NCKAP5: variants seen among roughly 807,000 people sequenced by gnomAD.
NCKAP5 encodes the protein NCK associated protein 5.
Under a neutral mutation model 167.0 loss-of-function variants are expected in NCKAP5, and 92 were observed. The observed-to-expected ratio is 0.55, with a 90% confidence interval of 0.47 to 0.66. The LOEUF (loss-of-function observed/expected upper bound fraction) is 0.66. Ranked by LOEUF, NCKAP5 falls within the 30% of genes least tolerant of loss-of-function variation. The pLI, the probability that NCKAP5 is intolerant of heterozygous loss-of-function variation, is 0.00. For missense variants in NCKAP5, 2,378 were observed against 2,315.0 expected (o/e 1.03, Z -0.56); for synonymous variants, 891 against 877.4 (o/e 1.02, Z -0.27).
intron 4 of NCKAP5, among the ~76,000 whole-genome samples, chr2:133,225,365 T>C (rs894650666): frequency 6.6e-6 from 1 of 152,220 alleles, no homozygotes; most frequent in Non-Finnish European, 1.5e-5. Flanking sequence ...CAATTATCTA[T>C]GCCTCTGAAA....
intron 3 of NCKAP5, among the ~76,000 whole-genome samples, chr2:133,399,586 A>G (rs1363563764): frequency 6.6e-6 from 1 of 152,176 alleles, no homozygotes; most frequent in Non-Finnish European, 1.5e-5. Flanking sequence ...TAATGTTTAG[A>G]CTGAAGAGAA....
chr2:133,668,731 T>C, the NCKAP5 span, among the ~76,000 whole-genome samples: 4 of 152,204 alleles, frequency 2.6e-5, no homozygotes, highest in Non-Finnish European at 5.9e-5. Flanking sequence ...TTATTGAGCT[T>C]CTTGGATATG....
At chr2:132,682,654 A>C (rs2709549) in intron 19 of NCKAP5, among the ~76,000 whole-genome samples, 69,608 of 151,600 alleles carry the variant, frequency 0.46, 18,270 homozygotes, top group East Asian at 0.67. Flanking sequence ...GAACACAAAT[A>C]TCCTGTCAAA....
chr2:133,289,981 A>G (rs1454068261), intron 4 of NCKAP5, among the ~76,000 whole-genome samples: 2 of 152,134 alleles, frequency 1.3e-5, no homozygotes, highest in Non-Finnish European at 2.9e-5. Flanking sequence ...GCAAGGGGGA[A>G]ATTCACCTTC....
chr2:133,288,169 C>A (rs1004440604), intron 4 of NCKAP5, among the ~76,000 whole-genome samples: 5 of 152,150 alleles, frequency 3.3e-5, no homozygotes, highest in Non-Finnish European at 7.4e-5. Context: ...AATTTCAGTT[C>A]ATCCAGCAGA....
At chr2:132,767,774 C>G (rs1402048083) in intron 16 of NCKAP5, among the ~76,000 whole-genome samples, 2 of 152,208 alleles carry the variant, frequency 1.3e-5, no homozygotes, top group East Asian at 3.9e-4. Flanking sequence ...TACTGAGCAC[C>G]TATTGTCCCT....
chr2:132,954,857 A>G, intron 8 of NCKAP5: 1 of 341,448 alleles, frequency 2.9e-6, no homozygotes, highest in Non-Finnish European at 5.7e-6. Flanking sequence ...GTACAAAGTT[A>G]CATAATGACA....
chr2:132,955,129 G>C (rs1015559467), intron 8 of NCKAP5, among the ~76,000 whole-genome samples: 3 of 152,194 alleles, frequency 2.0e-5, no homozygotes, highest in Non-Finnish European at 4.4e-5. Context: ...CTTTTACATT[G>C]TCTTAAGATA....
At chr2:132,808,151 G>A (rs1357847844) in intron 11 of NCKAP5, among the ~76,000 whole-genome samples, 1 of 151,918 alleles carries the variant, frequency 6.6e-6, no homozygotes, top group Non-Finnish European at 1.5e-5. Context: ...TGTTGGATTC[G>A]GTTAGCTAGT....
intron 19 of NCKAP5, among the ~76,000 whole-genome samples, chr2:132,717,033 A>G (rs1011741973): frequency 6.6e-6 from 1 of 152,168 alleles, no homozygotes; most frequent in Non-Finnish European, 1.5e-5. Context: ...GTGCATAGCT[A>G]AAAGGGCTGT....
At chr2:133,572,792 G>A (rs1484618184), upstream of NCKAP5, among the ~76,000 whole-genome samples, 2 of 152,166 alleles carry the variant, frequency 1.3e-5, no homozygotes, top group East Asian at 3.9e-4. Flanking sequence ...AAACTGGCAT[G>A]GTGTTGAGAG....
At chr2:132,984,798 C>T (rs1379135442) in intron 7 of NCKAP5, among the ~76,000 whole-genome samples, 4 of 151,442 alleles carry the variant, frequency 2.6e-5, no homozygotes, top group Admixed American at 2.6e-4. Flanking sequence ...TTTTTAGCCA[C>T]AAGTGAATAA....
chr2:133,563,533 C>A (rs1040915577), intron 1 of NCKAP5, among the ~76,000 whole-genome samples: 6 of 128,694 alleles, frequency 4.7e-5, no homozygotes, highest in Non-Finnish European at 7.8e-5. Flanking sequence ...CATGCCACTG[C>A]ACTCCAGCCT....
intron 2 of NCKAP5, among the ~76,000 whole-genome samples, chr2:133,529,200 G>C (rs1367361216): frequency 1.3e-5 from 2 of 151,970 alleles, no homozygotes; most frequent in Admixed American, 6.6e-5. Flanking sequence ...AAAGATATAA[G>C]CTATAACAAA....
rs776288242 is a variant in NCKAP5, at chr2:132,781,213, C to A, written c.4888G>T (p.Ala1630Ser). 1 of 1,613,662 alleles carries A rather than the reference C, an allele frequency of 6.2e-7. No individual in the cohort carries two copies. Among genetic ancestry groups the A allele is most frequent in the South Asian group, 1.1e-5 (1 of 90,994 alleles). Residue 1630 changes from alanine to serine, a missense_variant, in exon 15 of 20, where the codon GCT (alanine) becomes TCT (serine). Physicochemically the swap from Ala to Ser is moderately conservative, Grantham distance 99 (BLOSUM62 1). This residue lies in a region of NCKAP5 where 1,325 missense variants were observed against 1,274.5 expected (regional missense o/e 1.04). Transcript: ENST00000409261. The stretch of plus-strand genomic sequence containing the variant: ...CTTGATCCACTTTCTGTCTGTGGAG[C>A]TGCTTTCTTATCAACTCTGCAGGTA... Reference protein sequence around the residue: ...ELLNRVDKKAAPQTESGSSNA... With the variant: ...ELLNRVDKKASPQTESGSSNA...
At chr2:133,112,928 C>T (rs971904128) in intron 6 of NCKAP5, among the ~76,000 whole-genome samples, 1 of 152,180 alleles carries the variant, frequency 6.6e-6, no homozygotes, top group Non-Finnish European at 1.5e-5. Flanking sequence ...TTCTGCTGGC[C>T]TTACACTTTT....
At chr2:133,582,720 C>T in the NCKAP5 span, among the ~76,000 whole-genome samples, 1 of 152,196 alleles carries the variant, frequency 6.6e-6, no homozygotes, top group Non-Finnish European at 1.5e-5. Context: ...ATTAAGACAA[C>T]ATAAAGATAG....
At position 132,782,203 on chromosome 2, in the gene NCKAP5, A is replaced by G. The variant is rs1683093670; in HGVS notation, c.4608T>C (p.Asp1536=). The stretch of plus-strand genomic sequence containing the variant: ...TGTTTCCAAACCCCAAGACTTTTGC[A>G]TCTTTCTTTTCTACTTTGGTTTTGG... ...DISKTKVEKK[D]AKVLGFGNRQ... is the part of the protein sequence containing the mutation. The change falls in exon 14 of 20, where the codon GAT becomes GAC. Residue 1536 remains aspartate (D), a synonymous_variant. Transcript: ENST00000409261. 2.5e-6 allele frequency: 4 copies of G among 1,613,410 alleles called. No individual in the cohort carries two copies. The East Asian group carries it at 6.7e-5, about 27-fold the overall frequency.
chr2:133,289,652 C>G (rs1196773397), intron 4 of NCKAP5, among the ~76,000 whole-genome samples: 1 of 151,834 alleles, frequency 6.6e-6, no homozygotes, highest in Non-Finnish European at 1.5e-5. Flanking sequence ...GATCGTGCCA[C>G]TACACTCCAG....
Sources: allele counts gnomAD v4.1 joint callset (sites outside exome capture counted in the v4.1 genomes callset), GRCh38; gene constraint gnomAD v4.1.1; regional missense constraint gnomAD v4.1.1; transcripts MANE v1.5; gene names NCBI Gene and HGNC (gene_info 2026-07-23, HGNC 2026-07-21).